Variants in TNKS observed in about 807,000 individuals in gnomAD.
The protein encoded by TNKS is poly [ADP-ribose] polymerase tankyrase-1.
In TNKS, 72 loss-of-function variants were observed where a neutral mutation model predicts 135.8. That is an observed-to-expected ratio of 0.53 (90% confidence interval 0.44 to 0.64). The LOEUF (loss-of-function observed/expected upper bound fraction) is 0.64. Ranked by LOEUF, TNKS falls within the 30% of genes least tolerant of loss-of-function variation. The pLI is 0.00. For synonymous variants in TNKS, 849 were observed against 649.3 expected (o/e 1.31, Z -4.68); for missense variants, 1,769 against 1,674.0 (o/e 1.06, Z -0.99).
At chr8:9,671,442 C>G (rs73526947) in intron 3 of TNKS, among the ~76,000 whole-genome samples, 1 of 152,026 alleles carries the variant, frequency 6.6e-6, no homozygotes, top group Non-Finnish European at 1.5e-5. Flanking sequence ...ATCAAAGTAC[C>G]GATATGTCCA....
At chr8:9,654,030 C>T (rs768454623) in intron 3 of TNKS, among the ~76,000 whole-genome samples, 2 of 152,136 alleles carry the variant, frequency 1.3e-5, no homozygotes, top group Admixed American at 1.3e-4. Flanking sequence ...CCTTTAGCTG[C>T]AGAGGTCTTT....
chr8:9,629,361 G>A (rs1202387580), intron 3 of TNKS, among the ~76,000 whole-genome samples: 1 of 152,198 alleles, frequency 6.6e-6, no homozygotes, highest in Non-Finnish European at 1.5e-5. Flanking sequence ...GCTTCCTTAA[G>A]TCTGTTCTCT....
Position 9,730,913 on chromosome 8 carries a change from G to C in TNKS, c.2025G>C (p.Val675=). The change falls in exon 14 of 27, where the codon GTG becomes GTC. Residue 675 remains valine (V), a synonymous_variant. Coordinates refer to ENST00000310430, the MANE Select transcript of TNKS (RefSeq NM_003747.3). ...TVKQLCSSQN[V]NCRDLEGRHS... ...AGCAACTTTGCAGCTCTCAAAATGT[G>C]AATTGTAGAGACTTAGAGGGCCGGC... 1 of 1,613,480 alleles carries C rather than the reference G, an allele frequency of 6.2e-7. No homozygotes were observed. The highest frequency in any genetic ancestry group is 8.5e-7 in the Non-Finnish European group (1 of 1,179,768).
At chr8:9,567,504 C>T (rs1051457082) in intron 1 of TNKS, among the ~76,000 whole-genome samples, 1 of 152,210 alleles carries the variant, frequency 6.6e-6, no homozygotes. Flanking sequence ...CAAGCTCTGC[C>T]TCCCGGGTTC....
At chr8:9,685,849 A>G (rs1195511947) in intron 5 of TNKS, among the ~76,000 whole-genome samples, 1 of 152,354 alleles carries the variant, frequency 6.6e-6, no homozygotes, top group East Asian at 1.9e-4. Flanking sequence ...CCAGTGAAGA[A>G]CAAGAAAGAT....
chr8:9,667,839 GTTT>G (rs35555078), intron 3 of TNKS, among the ~76,000 whole-genome samples: 6 of 127,502 alleles, frequency 4.7e-5, no homozygotes, highest in Non-Finnish European at 5.0e-5. Flanking sequence ...GCCCTTCTGG[GTTT>G]TTTTTTTTTT....
At chr8:9,656,611 C>CTTTTTTTTTTTTTTTTTTTTTTTTTTTT (rs71201960) in intron 3 of TNKS, among the ~76,000 whole-genome samples, 1 of 136,454 alleles carries the variant, frequency 7.3e-6, no homozygotes, top group African/African-American at 2.9e-5. Context: ...AAAGAATTTT[C>CTTTTTTTTTTTTTTTTTTTTTTTTTTTT]TTTTTTTTTT....
At chr8:9,654,496 G>A (rs1278437223) in intron 3 of TNKS, among the ~76,000 whole-genome samples, 3 of 152,258 alleles carry the variant, frequency 2.0e-5, no homozygotes, top group Admixed American at 6.5e-5. Flanking sequence ...ACACAAACAT[G>A]TTTTTATTGG....
chr8:9,575,845 A>G (rs1162894818), intron 1 of TNKS, among the ~76,000 whole-genome samples: 3 of 152,250 alleles, frequency 2.0e-5, no homozygotes, highest in Non-Finnish European at 2.9e-5. Flanking sequence ...CTTAAAGCCT[A>G]AGGACATTTA....
At chr8:9,733,549 G>C in intron 15 of TNKS, 105 bp downstream of exon 15, 1 of 884,176 alleles carries the variant, frequency 1.1e-6, no homozygotes, top group East Asian at 2.7e-5. Context: ...CAATACTGCT[G>C]TAGAGACTGC....
At chr8:9,722,627 A>G (rs1304311239) in intron 12 of TNKS, 2 of 151,932 alleles carry the variant, frequency 1.3e-5, no homozygotes, top group African/African-American at 2.4e-5. Flanking sequence ...TAAAGGAGAT[A>G]TTACTCCTTG....
chr8:9,580,196 G>C lies in TNKS; in HGVS notation c.711G>C (p.Gln237His). Residue 237 changes from glutamine (Q) to histidine (H), a missense_variant, in exon 2 of 27, where the codon CAG becomes CAC. This residue lies in a region of TNKS where 523 missense variants were observed against 541.0 expected (regional missense o/e 0.97). Coordinates refer to ENST00000310430, the MANE Select transcript of TNKS (RefSeq NM_003747.3). ...AGGATGTTGTAGAACACTTACTACA[G>C]ATGGGTGCTAATGTCCACGCTCGTG... ...GRKDVVEHLL[Q>H]MGANVHARDD... 6.2e-7 allele frequency: 1 copy of C among 1,614,142 alleles called. No homozygotes were observed. Among genetic ancestry groups the C allele is most frequent in the Non-Finnish European group, 8.5e-7 (1 of 1,180,014 alleles).
chr8:9,610,581 T>C (rs1563115287), intron 2 of TNKS, among the ~76,000 whole-genome samples: 2 of 152,138 alleles, frequency 1.3e-5, no homozygotes, highest in Non-Finnish European at 2.9e-5. Context: ...TATTTTTCTA[T>C]AAAATTAAAA....
Position 9,781,805 on chromosome 8 carries a change from T to C in TNKS, c.*5069T>C, listed in dbSNP as rs1362748965. The C allele has an allele frequency of 6.6e-6, 1 of 152,608 alleles. No individual in the cohort carries two copies. The highest frequency in any genetic ancestry group is 1.5e-5 in the Non-Finnish European group (1 of 68,036). The allele number at this position is 152,608 out of a possible 1,614,324, so 9.5% of individuals were successfully genotyped here. The stretch of plus-strand genomic sequence containing the variant: ...GTGTAGTGACTCTTTGGTTCATTAT[T>C]CGTGTTGTTTTTATTTTTAGTCTCT... On this transcript the variant is annotated 3_prime_UTR_variant, in exon 27 of 27. Coordinates refer to ENST00000310430, the MANE Select transcript of TNKS (RefSeq NM_003747.3).
intron 11 of TNKS, among the ~76,000 whole-genome samples, chr8:9,718,926 T>C (rs1319867984): frequency 6.6e-6 from 1 of 152,220 alleles, no homozygotes; most frequent in Non-Finnish European, 1.5e-5. Flanking sequence ...GGAGTTCCCA[T>C]TACTATAATA....
intron 2 of TNKS, among the ~76,000 whole-genome samples, chr8:9,589,933 C>T (rs2129055455): frequency 6.6e-6 from 1 of 152,332 alleles, no homozygotes; most frequent in East Asian, 1.9e-4. Flanking sequence ...TGCCACCCAA[C>T]ACGTCTCCTC....
intron 20 of TNKS, among the ~76,000 whole-genome samples, chr8:9,761,137 C>T (rs974462368): frequency 6.6e-6 from 1 of 152,184 alleles, no homozygotes; most frequent in African/African-American, 2.4e-5. Flanking sequence ...TTCATTTCTA[C>T]TCCCTGCTGG....
At chr8:9,771,380 GA>G (rs1491362485) in intron 26 of TNKS, among the ~76,000 whole-genome samples, 1 of 98,628 alleles carries the variant, frequency 1.0e-5, no homozygotes, top group African/African-American at 3.1e-5. Context: ...GGGAGGGAGG[GA>G]AAGAGAGAAA....
intron 2 of TNKS, among the ~76,000 whole-genome samples, chr8:9,608,056 T>A (rs1420597984): frequency 6.6e-6 from 1 of 152,144 alleles, no homozygotes; most frequent in Admixed American, 6.5e-5. Flanking sequence ...TCCTCCCACC[T>A]GAGCCCCACG....
Sources: gnomAD v4.1 joint callset for allele counts (sites outside exome capture counted in the v4.1 genomes callset) on GRCh38, gnomAD v4.1.1 for gene constraint, gnomAD v4.1.1 regional missense constraint, MANE v1.5 for transcripts, NCBI Gene and HGNC (gene_info 2026-07-23, HGNC 2026-07-21) for gene names.